Variants in RBBP8NL observed in about 807,000 individuals in gnomAD.
RBBP8NL encodes RBBP8 N-terminal-like protein.
A neutral mutation model predicts 62.2 loss-of-function variants in RBBP8NL; 59 were observed. The observed-to-expected ratio is 0.95, with a 90% CI of 0.77 to 1.18. RBBP8NL has a LOEUF of 1.18. Ranked by LOEUF, RBBP8NL falls within the 50% of genes most tolerant of loss-of-function variation. The pLI is 0.00. For missense variants in RBBP8NL, 896 were observed against 899.5 expected (o/e 1.00, Z 0.05); for synonymous variants, 412 against 394.1 (o/e 1.05, Z -0.54).
At chr20:62,426,948 C>T (rs529290050) in intron 1 of RBBP8NL, among the ~76,000 whole-genome samples, 6 of 152,322 alleles carry the variant, frequency 3.9e-5, no homozygotes, top group East Asian at 3.9e-4. Flanking sequence ...AGGCCTGGCC[C>T]GTGGGGGAGG....
At chr20:62,411,026 A>G in intron 13 of RBBP8NL, 30 bp from the exon 14 acceptor site, 1 of 1,457,012 alleles carries the variant, frequency 6.9e-7, no homozygotes, top group Non-Finnish European at 9.6e-7. Flanking sequence ...GTCAGGCCGG[A>G]GCTGTGTGCC....
chr20:62,420,279 C>T (rs951373695), intron 1 of RBBP8NL, among the ~76,000 whole-genome samples: 2 of 151,884 alleles, frequency 1.3e-5, no homozygotes, highest in South Asian at 4.2e-4. Flanking sequence ...TCACCAGAGC[C>T]CTGTACTCAG....
rs547308710 is a variant in RBBP8NL, at chr20:62,424,095, G to T, written c.-84+3365C>A. Reference sequence around the variant, plus strand: ...GGGGAGGGGCTGGGCTGAGGCTCATGGGGGGCTTCACAGGGCTGGGGTGAG... The same window carrying T: ...GGGGAGGGGCTGGGCTGAGGCTCATTGGGGGCTTCACAGGGCTGGGGTGAG... On this transcript the variant is annotated intron_variant, in intron 1 of 13. Coordinates refer to ENST00000252998, the MANE Select transcript of RBBP8NL (RefSeq NM_080833.3). Among the ~76,000 whole-genome samples the T allele has an allele frequency of 2.0e-5, 3 of 152,038 alleles. No homozygotes were observed. In the East Asian group the frequency reaches 5.8e-4, roughly 30 times the overall value.
At chr20:62,426,241 A>C (rs1352355755) in intron 1 of RBBP8NL, among the ~76,000 whole-genome samples, 1 of 152,248 alleles carries the variant, frequency 6.6e-6, no homozygotes, top group Non-Finnish European at 1.5e-5. Context: ...TGTTGATCAC[A>C]TACTGTTCTG....
intron 3 of RBBP8NL, 94 bp downstream of exon 3, chr20:62,418,329 T>C (rs1988626458): frequency 1.6e-6 from 2 of 1,213,466 alleles, no homozygotes; most frequent in Non-Finnish European, 2.4e-6. Flanking sequence ...TTCTGCACCA[T>C]AGGACGGTGG....
intron 1 of RBBP8NL, among the ~76,000 whole-genome samples, chr20:62,422,512 G>A (rs1204677844): frequency 2.1e-5 from 2 of 96,134 alleles, no homozygotes; most frequent in African/African-American, 8.0e-5. Context: ...TGGACCCCGA[G>A]AGAGGCCTTG....
chr20:62,426,149 C>T (rs1159593174), intron 1 of RBBP8NL, among the ~76,000 whole-genome samples: 1 of 150,962 alleles, frequency 6.6e-6, no homozygotes, highest in Non-Finnish European at 1.5e-5. Flanking sequence ...GTAGCAGTAG[C>T]AGTGGCAGTG....
At position 62,410,522 on chromosome 20, in the gene RBBP8NL, G is replaced by A. The variant is rs1365201561; in HGVS notation, c.*356C>T. Reference sequence around the variant, plus strand: ...GCCTCCAGTCCCCACACCCCTCAGGGAGCAGGTGCTGGGCTGTGGGAGGGG... The same window carrying A: ...GCCTCCAGTCCCCACACCCCTCAGGAAGCAGGTGCTGGGCTGTGGGAGGGG... On this transcript the variant is annotated 3_prime_UTR_variant, in exon 14 of 14. Coordinates refer to ENST00000252998, the MANE Select transcript of RBBP8NL (RefSeq NM_080833.3). The A allele has an allele frequency of 7.3e-6, 2 of 274,512 alleles. No individual in the cohort carries two copies. Among genetic ancestry groups the A allele is most frequent in the Non-Finnish European group, 1.4e-5 (2 of 144,720 alleles). 17.0% of individuals were successfully genotyped at this position (274,512 alleles called of 1,614,324 possible).
chr20:62,417,445 A>T lies in RBBP8NL; in HGVS notation c.105-126T>A, dbSNP rs1191380666. 441 of 663,152 alleles carry T rather than the reference A, an allele frequency of 6.7e-4. 5 individuals carry two copies. In the African/African-American group the frequency reaches 0.01, roughly 15 times the overall value. The allele number at this position is 663,152 out of a possible 1,614,324, so 41.1% of individuals were successfully genotyped here. On this transcript the variant is annotated intron_variant, in intron 3 of 13. Coordinates refer to ENST00000252998, the MANE Select transcript of RBBP8NL (RefSeq NM_080833.3). Reference sequence around the variant, plus strand: ...AGCCTTGGTCTGGGGGCAACGCCTAACCCGGTGCCCCCCTCCCAGTCATCT... The same window carrying T: ...AGCCTTGGTCTGGGGGCAACGCCTATCCCGGTGCCCCCCTCCCAGTCATCT...
chr20:62,411,828 C>T (rs773034569), intron 13 of RBBP8NL, among the ~76,000 whole-genome samples: 5 of 152,250 alleles, frequency 3.3e-5, no homozygotes, highest in African/African-American at 4.8e-5. Flanking sequence ...AAATAAGGGC[C>T]GTGCTGGTCT....
chr20:62,418,209 G>A (rs561920134), intron 3 of RBBP8NL, among the ~76,000 whole-genome samples: 30 of 152,290 alleles, frequency 2.0e-4, no homozygotes, highest in African/African-American at 6.7e-4. Context: ...GGCTTGCCCC[G>A]CCCCTGGGAG....
intron 1 of RBBP8NL, among the ~76,000 whole-genome samples, chr20:62,426,048 GGTAGCA>G (rs1282609419): frequency 3.3e-5 from 5 of 150,658 alleles, no homozygotes; most frequent in African/African-American, 1.2e-4. Context: ...CAGTGGCAGT[GGTAGCA>G]GTAGCAGTGG....
chr20:62,422,867 G>C (rs1018867266), intron 1 of RBBP8NL, among the ~76,000 whole-genome samples: 1 of 152,124 alleles, frequency 6.6e-6, no homozygotes, highest in Non-Finnish European at 1.5e-5. Context: ...GCTGCATGGA[G>C]GGCGGAGCAC....
chr20:62,420,297 C>T (rs1988669611), intron 1 of RBBP8NL, among the ~76,000 whole-genome samples: 1 of 151,904 alleles, frequency 6.6e-6, no homozygotes, highest in African/African-American at 2.4e-5. Flanking sequence ...CAGTTCCCTC[C>T]TGGGATCTCT....
In RBBP8NL at chr20:62,421,498, CTGTG is replaced by C. The variant is rs10568987; in HGVS notation, c.-83-1772_-83-1769del. On this transcript the variant is annotated intron_variant, in intron 1 of 13. Coordinates refer to ENST00000252998, the MANE Select transcript of RBBP8NL (RefSeq NM_080833.3). The stretch of plus-strand genomic sequence containing the variant: ...GCCCAAGTCAGTGTGCATGTGTGTG[CTGTG>C]TGTGTGTGATAGCCAGTGTGCATGT... Among the ~76,000 whole-genome samples, 3 of 131,608 alleles carry C rather than the reference CTGTG, an allele frequency of 2.3e-5. No individual in the cohort carries two copies. The Admixed American group carries it at 2.3e-4, about 10-fold the overall frequency. 86.3% of individuals were successfully genotyped at this position (131,608 alleles called of 152,430 possible).
At chr20:62,424,022 G>A (rs2146446349) in intron 1 of RBBP8NL, among the ~76,000 whole-genome samples, 1 of 151,924 alleles carries the variant, frequency 6.6e-6, no homozygotes, top group East Asian at 1.9e-4. Context: ...TCCAGGCCTG[G>A]GTGGGGGCTG....
chr20:62,416,269 G>C, intron 5 of RBBP8NL, 33 bp from the exon 6 acceptor site: 1 of 1,484,696 alleles, frequency 6.7e-7, no homozygotes, highest in South Asian at 1.2e-5. Flanking sequence ...AAGCAGCCAG[G>C]GGTTGGGGGG....
chr20:62,414,654 G>A, intron 9 of RBBP8NL, 98 bp from the exon 10 acceptor site: 2 of 1,335,168 alleles, frequency 1.5e-6, no homozygotes, highest in Non-Finnish European at 2.0e-6. Context: ...CACTCCACAG[G>A]CGAGGAAACT....
At position 62,412,920 on chromosome 20, in the gene RBBP8NL, G is replaced by A. The variant is rs369847742; in HGVS notation, c.1676-20C>T. Reference sequence around the variant, plus strand: ...TGGGCTCTGAAGGATGCAGAGTGTGGGGTCAGGCCAGGCTGGTGGCACCGG... The same window carrying A: ...TGGGCTCTGAAGGATGCAGAGTGTGAGGTCAGGCCAGGCTGGTGGCACCGG... On this transcript the variant is annotated intron_variant, in intron 11 of 13. Transcript: ENST00000252998. The A allele has an allele frequency of 8.1e-5, 131 of 1,612,270 alleles. No homozygotes were observed. Among genetic ancestry groups the A allele is most frequent in the Non-Finnish European group, 1.1e-4 (126 of 1,179,876 alleles).
Sources: allele counts gnomAD v4.1 joint callset (sites outside exome capture counted in the v4.1 genomes callset), GRCh38; gene constraint gnomAD v4.1.1; transcripts MANE v1.5; gene names NCBI Gene and HGNC (gene_info 2026-07-23, HGNC 2026-07-21).